The following DSG1 variants were observed in gnomAD, a reference collection of about 807,000 sequenced individuals.
DSG1 encodes desmoglein 1, also known as desmoglein-1.
DSG1 carries 39 observed loss-of-function variants against 97.5 expected under a neutral mutation model. The observed-to-expected ratio is 0.40, with a 90% CI of 0.31 to 0.52. The LOEUF (loss-of-function observed/expected upper bound fraction) is 0.52. DSG1 is among the 20% of genes least tolerant of loss of function. The probability of loss-of-function intolerance (pLI) is 0.53; values close to 1 mark genes in which losing one functional copy is unlikely to be tolerated. For synonymous variants in DSG1, 475 were observed against 443.4 expected (o/e 1.07, Z -0.90); for missense variants, 1,311 against 1,295.4 (o/e 1.01, Z -0.18).
intron 10 of DSG1, among the ~76,000 whole-genome samples, chr18:31,338,838 A>T (rs1334008168): frequency 6.6e-6 from 1 of 152,210 alleles, no homozygotes; most frequent in African/African-American, 2.4e-5. Flanking sequence ...CTGAAAGGAC[A>T]TGGGCTTTGA....
In DSG1 at chr18:31,356,946, CT is replaced by C. The variant is rs1291258849; in HGVS notation, c.*1603del. 8 of 151,956 alleles carry C rather than the reference CT, an allele frequency of 5.3e-5. No individual in the cohort carries two copies. Among genetic ancestry groups the C allele is most frequent in the African/African-American group, 1.7e-4 (7 of 41,398 alleles). 9.4% of individuals were successfully genotyped at this position (151,956 alleles called of 1,614,324 possible). ...CTATTGCATGGTACAGAAATTTTTTCTTTCTTAAATACAATGTTACTATAAG... is the reference window on the plus strand; with the variant it reads ...CTATTGCATGGTACAGAAATTTTTTCTTCTTAAATACAATGTTACTATAAG... On this transcript the variant is annotated 3_prime_UTR_variant, in exon 15 of 15. Transcript: ENST00000257192.
intron 11 of DSG1, among the ~76,000 whole-genome samples, chr18:31,341,890 TTTTG>T (rs1161803615): frequency 4.6e-5 from 7 of 151,908 alleles, no homozygotes; most frequent in South Asian, 4.2e-4. Context: ...TCATGTTGAG[TTTTG>T]TTTGTTTGTT....
chr18:31,343,453 T>G lies in DSG1; in HGVS notation c.1691T>G (p.Val564Gly). The G allele has an allele frequency of 6.2e-7, 1 of 1,614,134 alleles. No individual in the cohort carries two copies. Residue 564 changes from valine (V) to glycine (G), a missense_variant, in exon 12 of 15, where the codon GTC (valine) becomes GGC (glycine). Coordinates refer to ENST00000257192, the MANE Select transcript of DSG1 (RefSeq NM_001942.4). ...ATTACTATCCCTCCACCACCAGTGG[T>G]CCCATTTTTGATGATCTGTTGTGAT... is the stretch of plus-strand genomic sequence containing the variant. ...LIMGFLVLGL[V>G]PFLMICCDCG...
At chr18:31,345,553 C>G (rs2071825449) in intron 13 of DSG1, 1 of 174,058 alleles carries the variant, frequency 5.7e-6, no homozygotes. Flanking sequence ...TTTCTCCTCA[C>G]ATAGCCATGG....
chr18:31,326,470 T>G (rs752867248), intron 1 of DSG1, 111 bp from the exon 2 acceptor site: 3 of 841,628 alleles, frequency 3.6e-6, no homozygotes, highest in Non-Finnish European at 5.7e-6. Context: ...TAAAATAATT[T>G]TAATGACTCA....
Position 31,354,550 on chromosome 18 carries a change from T to A in DSG1, c.2354T>A (p.Leu785His), listed in dbSNP as rs772895171. ...WPPQSTEPVCLPQETEPVVSG... is the reference protein window; with the variant it reads ...WPPQSTEPVCHPQETEPVVSG... ...CCACAAAGCACTGAACCAGTTTGCCTTCCTCAGGAAACAGAGCCCGTTGTT... is the reference window on the plus strand; with the variant it reads ...CCACAAAGCACTGAACCAGTTTGCCATCCTCAGGAAACAGAGCCCGTTGTT... The change falls in exon 15 of 15, where the codon CTT becomes CAT. Residue 785 changes from leucine (L) to histidine (H), a missense_variant. This residue lies in a region of DSG1 where 1,038 missense variants were observed against 964.6 expected (regional missense o/e 1.08). Transcript: ENST00000257192. The A allele has an allele frequency of 1.5e-5, 24 of 1,614,052 alleles. No homozygotes were observed. Among genetic ancestry groups the A allele is most frequent in the Middle Eastern group, 3.3e-4 (2 of 6,084 alleles).
chr18:31,358,338 A>C lies in DSG1; in HGVS notation c.*2992A>C, dbSNP rs1016345602. Among the ~76,000 whole-genome samples the C allele has an allele frequency of 6.6e-6, 1 of 152,026 alleles. No individual in the cohort carries two copies. The highest frequency in any genetic ancestry group is 6.6e-5 in the Admixed American group (1 of 15,262). ...TATCTGCTACATATTATTTACTTCT[A>C]AGCATGTTGTCTGATGTAATTGCAT... On this transcript the variant is annotated 3_prime_UTR_variant, in exon 15 of 15. Transcript: ENST00000257192.
chr18:31,333,993 A>G (rs1323701396), intron 7 of DSG1, 24 bp from the exon 8 acceptor site: 3 of 1,533,338 alleles, frequency 2.0e-6, no homozygotes, highest in Admixed American at 1.7e-5. Context: ...AGTTTGTGCT[A>G]AGAGTTTTCA....
At chr18:31,328,781 T>G (rs974304935) in intron 4 of DSG1, among the ~76,000 whole-genome samples, 2 of 152,108 alleles carry the variant, frequency 1.3e-5, no homozygotes, top group African/African-American at 2.4e-5. Context: ...GACAAGTAAA[T>G]GATTCTAGAG....
intron 3 of DSG1, 63 bp from the exon 4 acceptor site, chr18:31,328,126 C>T (rs2071697667): frequency 1.9e-6 from 3 of 1,563,138 alleles, no homozygotes; most frequent in East Asian, 2.3e-5. Flanking sequence ...AGAAAGCTGT[C>T]GTATATCAAA....
intron 9 of DSG1, 115 bp downstream of exon 9, chr18:31,336,728 C>A: frequency 8.9e-7 from 1 of 1,125,300 alleles, no homozygotes. Context: ...TTGAAACTAT[C>A]ATTTAATTGT....
chr18:31,336,606 A>G lies in DSG1; in HGVS notation c.1258A>G (p.Thr420Ala). The G allele has an allele frequency of 2.5e-6, 4 of 1,614,044 alleles. No individual in the cohort carries two copies. The highest frequency in any genetic ancestry group is 3.4e-6 in the Non-Finnish European group (4 of 1,179,954). The part of the protein sequence containing the change: ...TDLDTGRPST[T>A]VRYVMGNNPA... Reference sequence around the variant, plus strand: ...CCTGGACACAGGTAGACCTTCAACGACTGTTAGGTAAGAATGAGATTTTCA... The same window carrying G: ...CCTGGACACAGGTAGACCTTCAACGGCTGTTAGGTAAGAATGAGATTTTCA... The change falls in exon 9 of 15, where the codon ACT (threonine) becomes GCT (alanine). Residue 420 changes from threonine to alanine, a missense_variant. Thr to Ala is a moderately conservative substitution (Grantham distance 58). Transcript: ENST00000257192.
chr18:31,337,127 T>C (rs1473646398), intron 9 of DSG1, among the ~76,000 whole-genome samples: 4 of 152,276 alleles, frequency 2.6e-5, no homozygotes, highest in Non-Finnish European at 5.9e-5. Flanking sequence ...CAGATATTTC[T>C]ACCAAGTCAC....
intron 1 of DSG1, among the ~76,000 whole-genome samples, chr18:31,319,535 T>C (rs1357808105): frequency 1.3e-5 from 2 of 152,148 alleles, no homozygotes; most frequent in Non-Finnish European, 2.9e-5. Context: ...TCAGTGGATA[T>C]TTAGGATCAG....
intron 14 of DSG1, among the ~76,000 whole-genome samples, chr18:31,352,235 G>A (rs960679176): frequency 1.3e-5 from 2 of 151,212 alleles, no homozygotes; most frequent in Non-Finnish European, 2.9e-5. Context: ...ATGAAGCTTA[G>A]TTTGGCTGGA....
chr18:31,345,689 A>G (rs1013690873), intron 13 of DSG1, among the ~76,000 whole-genome samples: 4 of 152,150 alleles, frequency 2.6e-5, no homozygotes, highest in South Asian at 4.1e-4. Flanking sequence ...TTTTTCTCCA[A>G]TTTCCTACAG....
At chr18:31,343,655 G>A in intron 12 of DSG1, 72 bp downstream of exon 12, 1 of 1,603,102 alleles carries the variant, frequency 6.2e-7, no homozygotes, top group Middle Eastern at 1.7e-4. Context: ...AACCAAGATG[G>A]CCGCCATCAC....
chr18:31,354,081 A>T, intron 14 of DSG1: 1 of 546,564 alleles, frequency 1.8e-6, no homozygotes, highest in African/African-American at 1.9e-5. Context: ...TAAATTTTTA[A>T]AATCATAGTA....
intron 1 of DSG1, among the ~76,000 whole-genome samples, chr18:31,318,778 C>T (rs1598693684): frequency 6.6e-6 from 1 of 151,422 alleles, no homozygotes; most frequent in East Asian, 1.9e-4. Flanking sequence ...ATTTTTAAAA[C>T]ATAAAAATAG....
Sources: gnomAD v4.1 joint callset for allele counts (sites outside exome capture counted in the v4.1 genomes callset) on GRCh38, gnomAD v4.1.1 for gene constraint, gnomAD v4.1.1 regional missense constraint, MANE v1.5 for transcripts, NCBI Gene and HGNC (gene_info 2026-07-23, HGNC 2026-07-21) for gene names.